PRKCE: variants seen among roughly 807,000 people sequenced by gnomAD.
The protein encoded by PRKCE is protein kinase C epsilon.
Under a neutral mutation model 85.4 loss-of-function variants are expected in PRKCE, and 16 were observed. That is an observed-to-expected ratio of 0.19 (90% CI 0.13 to 0.28). PRKCE has a LOEUF of 0.28. Ranked by LOEUF, PRKCE falls within the 10% of genes least tolerant of loss-of-function variation. PRKCE has a pLI of 1.00. For synonymous variants in PRKCE, 388 were observed against 371.5 expected, an observed-to-expected ratio of 1.04 and a Z score of -0.51; for missense variants, 573 against 975.2, an observed-to-expected ratio of 0.59 and a Z score of 5.49.
chr2:45,916,575 T>G (rs1285821506), intron 2 of PRKCE, among the ~76,000 whole-genome samples: 1 of 152,234 alleles, frequency 6.6e-6, no homozygotes, highest in Non-Finnish European at 1.5e-5. Flanking sequence ...TGGCAAAGTC[T>G]GCAGATCATC....
intron 11 of PRKCE, among the ~76,000 whole-genome samples, chr2:46,136,956 C>T (rs1558492586): frequency 6.6e-6 from 1 of 152,210 alleles, no homozygotes; most frequent in African/African-American, 2.4e-5. Context: ...GTGCTTTATA[C>T]ACATAAAAGA....
At chr2:46,152,385 T>C (rs960761901) in intron 13 of PRKCE, among the ~76,000 whole-genome samples, 2 of 152,052 alleles carry the variant, frequency 1.3e-5, no homozygotes, top group African/African-American at 4.8e-5. Flanking sequence ...TTTCACCATG[T>C]TGGCCAGGCT....
intron 11 of PRKCE, among the ~76,000 whole-genome samples, chr2:46,115,357 TAA>T (rs1672665701): frequency 6.6e-6 from 1 of 152,150 alleles, no homozygotes; most frequent in Admixed American, 6.5e-5. Flanking sequence ...TCTAAAAACC[TAA>T]CATTTTTTTG....
intron 1 of PRKCE, among the ~76,000 whole-genome samples, chr2:45,783,131 T>A (rs1346069836): frequency 6.6e-6 from 1 of 152,158 alleles, no homozygotes; most frequent in Non-Finnish European, 1.5e-5. Context: ...GCAGACTGGG[T>A]CCTGGGGAAG....
intron 10 of PRKCE, among the ~76,000 whole-genome samples, chr2:46,060,447 C>T (rs1459823019): frequency 3.3e-5 from 5 of 152,172 alleles, no homozygotes; most frequent in Non-Finnish European, 7.4e-5. Context: ...AGTGAGTTGT[C>T]TGGGAGCTCT....
At chr2:46,150,495 CA>C in intron 12 of PRKCE, among the ~76,000 whole-genome samples, 1 of 152,078 alleles carries the variant, frequency 6.6e-6, no homozygotes, top group African/African-American at 2.4e-5. Flanking sequence ...ATAGGGAGAC[CA>C]TTACAGGGTG....
At chr2:46,051,143 G>T (rs547991362) in intron 10 of PRKCE, among the ~76,000 whole-genome samples, 2 of 152,162 alleles carry the variant, frequency 1.3e-5, no homozygotes, top group East Asian at 3.8e-4. Flanking sequence ...AGTTCCTCCC[G>T]CAAGAGTAAG....
chr2:45,742,135 G>A (rs1281291901), intron 1 of PRKCE, among the ~76,000 whole-genome samples: 2 of 152,140 alleles, frequency 1.3e-5, no homozygotes, highest in African/African-American at 2.4e-5. Context: ...GCTTCTGCAC[G>A]GCAAAGAAAA....
chr2:46,134,405 G>T (rs1449351752), intron 11 of PRKCE, among the ~76,000 whole-genome samples: 1 of 152,216 alleles, frequency 6.6e-6, no homozygotes. Flanking sequence ...GAGGCTAGAA[G>T]GCCATGGGGG....
At position 45,907,094 on chromosome 2, in the gene PRKCE, T is replaced by G. The variant is rs1212699153; in HGVS notation, c.412+64031T>G. On this transcript the variant is annotated intron_variant, in intron 2 of 14. Transcript: ENST00000306156. The surrounding 1 kb of genome is among the most constrained non-coding windows in gnomAD (Gnocchi z 4.5). ...AGTGGTATAGACGGAAGGAAGGCGG[T>G]CAGAGGGTACACGCTCCATGTTAAA... is the stretch of plus-strand genomic sequence containing the variant. Among the ~76,000 whole-genome samples, 4 of 152,090 alleles carry G rather than the reference T, an allele frequency of 2.6e-5. No individual in the cohort carries two copies. Among genetic ancestry groups the G allele is most frequent in the Non-Finnish European group, 4.4e-5 (3 of 68,020 alleles).
At chr2:45,911,586 A>G (rs1427933400) in intron 2 of PRKCE, among the ~76,000 whole-genome samples, 3 of 152,176 alleles carry the variant, frequency 2.0e-5, no homozygotes, top group African/African-American at 4.8e-5. Context: ...AGGCAGAGGG[A>G]TGGGCTGATT....
At chr2:45,917,515 G>C (rs1056608723) in intron 2 of PRKCE, among the ~76,000 whole-genome samples, 9 of 152,196 alleles carry the variant, frequency 5.9e-5, no homozygotes, top group African/African-American at 2.2e-4. Flanking sequence ...CCTTGAGCTA[G>C]ATACAGAGTG....
chr2:45,672,378 ACATC>A (rs1231960272), intron 1 of PRKCE, among the ~76,000 whole-genome samples: 1 of 150,454 alleles, frequency 6.6e-6, no homozygotes, highest in African/African-American at 2.5e-5. Context: ...ATCCATCTCT[ACATC>A]CATCCATCCA....
intron 1 of PRKCE, among the ~76,000 whole-genome samples, chr2:45,773,260 C>G (rs557568640): frequency 8.3e-4 from 126 of 152,260 alleles, no homozygotes; most frequent in African/African-American, 3.0e-3. Flanking sequence ...GAGGGTGAGG[C>G]CTTTTGGGAG....
At chr2:45,990,904 C>T (rs191565077) in intron 6 of PRKCE, among the ~76,000 whole-genome samples, 138 of 152,124 alleles carry the variant, frequency 9.1e-4, no homozygotes, top group African/African-American at 2.7e-3. Flanking sequence ...TCAAGTGATC[C>T]GTCCTCCTCA....
At chr2:45,957,767 C>A (rs77418819) in intron 2 of PRKCE, among the ~76,000 whole-genome samples, 17,777 of 151,968 alleles carry the variant, frequency 0.12, 1,461 homozygotes, top group African/African-American at 0.23. Flanking sequence ...CCCAGACAGG[C>A]AGGGCATGGT....
intron 14 of PRKCE, among the ~76,000 whole-genome samples, chr2:46,183,449 A>G (rs61760001): frequency 0.023 from 3,470 of 152,312 alleles, 147 homozygotes; most frequent in African/African-American, 0.079. Flanking sequence ...GATTTATTCC[A>G]TCATCCAAGT....
intron 2 of PRKCE, among the ~76,000 whole-genome samples, chr2:45,858,656 A>T (rs1692880535): frequency 6.6e-6 from 1 of 151,874 alleles, no homozygotes; most frequent in South Asian, 2.1e-4. Context: ...ATTTTGTATT[A>T]TTTTCTTGCA....
At chr2:45,792,190 G>A (rs954320104) in intron 1 of PRKCE, among the ~76,000 whole-genome samples, 1 of 152,084 alleles carries the variant, frequency 6.6e-6, no homozygotes, top group African/African-American at 2.4e-5. Flanking sequence ...GTGCAAAGAG[G>A]CCAAACCTGA....
Sources: gnomAD v4.1 joint callset for allele counts (sites outside exome capture counted in the v4.1 genomes callset) on GRCh38, gnomAD v4.1.1 for gene constraint, Gnocchi (gnomAD v3.1) non-coding constraint, MANE v1.5 for transcripts, NCBI Gene and HGNC (gene_info 2026-07-23, HGNC 2026-07-21) for gene names.